ESR2: variants seen among roughly 807,000 people sequenced by gnomAD.
The protein encoded by ESR2 is estrogen receptor 2, also known as estrogen receptor beta.
A neutral mutation model predicts 49.6 loss-of-function variants in ESR2; 36 were observed. The observed-to-expected ratio is 0.73, with a 90% CI of 0.56 to 0.96. The LOEUF (loss-of-function observed/expected upper bound fraction) is 0.96. ESR2 is among the 40% of genes least tolerant of loss of function. The pLI, the probability that ESR2 is intolerant of heterozygous loss-of-function variation, is 0.00. For missense variants in ESR2, 714 were observed against 693.0 expected, an observed-to-expected ratio of 1.03 and a Z score of -0.34; for synonymous variants, 320 against 266.1, an observed-to-expected ratio of 1.20 and a Z score of -1.97.
chr14:64,268,950 G>C lies in ESR2; in HGVS notation c.536-39C>G, dbSNP rs1567761577. ...GGAGGGAAAAAAAGATTATTGCTAT[G>C]ATCTCTTAGTTAAATCTCTTCCTGG... is the stretch of plus-strand genomic sequence containing the variant. On this transcript the variant is annotated intron_variant, in intron 3 of 8. Transcript: ENST00000341099. 5.3e-6 allele frequency: 6 copies of C among 1,132,178 alleles called. No homozygotes were observed. The East Asian group carries it at 1.4e-4, about 27-fold the overall frequency. The allele number at this position is 1,132,178 out of a possible 1,614,324, so 70.1% of individuals were successfully genotyped here.
At chr14:64,259,730 G>A (rs187020268) in intron 5 of ESR2, among the ~76,000 whole-genome samples, 78 of 152,184 alleles carry the variant, frequency 5.1e-4, no homozygotes, top group African/African-American at 1.6e-3. Flanking sequence ...TTGATGATTC[G>A]TGTAACTTCA....
At chr14:64,293,721 A>G (rs1364559246) in intron 1 of ESR2, among the ~76,000 whole-genome samples, 1 of 152,220 alleles carries the variant, frequency 6.6e-6, no homozygotes, top group Non-Finnish European at 1.5e-5. Context: ...ATTCAACTCC[A>G]TTGTCATTTC....
rs76776451 is a variant in ESR2, at chr14:64,314,071, A to G, written c.-91+23827T>C. ...ACTCCACCCTACAAGAGCAGGCTAC[A>G]CAACCTTTTGAGGGTCTATGCAAGA... On this transcript the variant is annotated intron_variant, in intron 1 of 8. Transcript: ENST00000358599. 5.8e-3 allele frequency among the ~76,000 whole-genome samples: 879 copies of G among 152,286 alleles called. 4 individuals carry two copies. Among genetic ancestry groups the G allele is most frequent in the African/African-American group, 0.019 (809 of 41,556 alleles).
downstream of ESR2, chr14:64,228,092 T>A: frequency 7.4e-7 from 1 of 1,342,462 alleles, no homozygotes; most frequent in Non-Finnish European, 9.6e-7. Flanking sequence ...TGACTAAAGA[T>A]GAAATTGTTC....
rs533918852 is a variant in ESR2, at chr14:64,326,014, T to TA, written c.-91+11883dup. ...TTTTTTGCATGATGGCCATATCCCC[T>TA]AACCCCAGATTATTAAAGGATTAAC... is the stretch of plus-strand genomic sequence containing the variant. On this transcript the variant is annotated intron_variant, in intron 1 of 8. Coordinates refer to the ESR2 transcript ENST00000358599. Among the ~76,000 whole-genome samples, 60 of 151,714 alleles carry TA rather than the reference T, an allele frequency of 4.0e-4. No homozygotes were observed. The East Asian group carries it at 8.7e-3, about 22-fold the overall frequency.
At chr14:64,235,269 T>A in intron 7 of ESR2, 119 bp from the exon 8 acceptor site, 1 of 1,000,568 alleles carries the variant, frequency 1.0e-6, no homozygotes. Context: ...GCTGCATGTG[T>A]GGCAGGAGCT....
At chr14:64,301,905 G>A (rs1487835607) in intron 1 of ESR2, among the ~76,000 whole-genome samples, 1 of 152,038 alleles carries the variant, frequency 6.6e-6, no homozygotes, top group Non-Finnish European at 1.5e-5. Context: ...CAGAAGCCTT[G>A]GCCTAAGAGA....
At chr14:64,318,422 A>G (rs1159996614) in intron 1 of ESR2, among the ~76,000 whole-genome samples, 1 of 151,224 alleles carries the variant, frequency 6.6e-6, no homozygotes, top group Non-Finnish European at 1.5e-5. Context: ...CTGTAATCCC[A>G]GCTACTTGGG....
At chr14:64,237,351 CA>C (rs1277826583) in intron 7 of ESR2, among the ~76,000 whole-genome samples, 1 of 152,122 alleles carries the variant, frequency 6.6e-6, no homozygotes, top group Non-Finnish European at 1.5e-5. Flanking sequence ...AGAAAATTAT[CA>C]AAAGTACAGA....
chr14:64,277,523 T>C (rs1436621098), intron 3 of ESR2, among the ~76,000 whole-genome samples: 2 of 149,092 alleles, frequency 1.3e-5, no homozygotes, highest in Admixed American at 6.7e-5. Flanking sequence ...TACTTGGGAG[T>C]CTGAGGCAGG....
chr14:64,308,303 C>T (rs774408773), intron 1 of ESR2, among the ~76,000 whole-genome samples: 6 of 152,204 alleles, frequency 3.9e-5, no homozygotes, highest in Admixed American at 1.3e-4. Flanking sequence ...CATGAGACAC[C>T]GCGCCGGGCC....
Position 64,282,853 on chromosome 14 carries a change from C to T in ESR2, c.133G>A (p.Ala45Thr). 6.2e-7 allele frequency: 1 copy of T among 1,614,170 alleles called. No homozygotes were observed. Among genetic ancestry groups the T allele is most frequent in the Non-Finnish European group, 8.5e-7 (1 of 1,180,032 alleles). Residue 45 changes from alanine (A) to threonine (T), a missense_variant, in exon 2 of 9, where the codon GCC becomes ACC. Ala to Thr is a moderately conservative substitution (Grantham distance 58). Transcript: ENST00000341099. ...ACAGCAGGGCTATAGAATGTCATGG[C>T]TGGATATTCATGGTGGCTGTCTACA... Reference protein sequence around the residue: ...SYVDSHHEYPAMTFYSPAVMN... With the variant: ...SYVDSHHEYPTMTFYSPAVMN...
intron 4 of ESR2, among the ~76,000 whole-genome samples, chr14:64,263,857 C>G (rs986563893): frequency 6.6e-6 from 1 of 151,988 alleles, no homozygotes; most frequent in African/African-American, 2.4e-5. Context: ...CTACAAAGGC[C>G]ATAGATATTT....
chr14:64,237,239 C>T (rs531030230), intron 7 of ESR2, among the ~76,000 whole-genome samples: 4 of 152,284 alleles, frequency 2.6e-5, no homozygotes, highest in Non-Finnish European at 5.9e-5. Context: ...GGATTACAAG[C>T]GTGAGCCACT....
At chr14:64,242,557 T>A (rs959105601) in intron 7 of ESR2, among the ~76,000 whole-genome samples, 1 of 151,930 alleles carries the variant, frequency 6.6e-6, no homozygotes. Context: ...CCAAAAATTC[T>A]GCTTGTTCAT....
chr14:64,255,543 G>A (rs1031336770), intron 6 of ESR2, among the ~76,000 whole-genome samples: 2 of 152,164 alleles, frequency 1.3e-5, no homozygotes, highest in Non-Finnish European at 2.9e-5. Context: ...ATAAAGTAGA[G>A]AGTTAGTTTG....
At chr14:64,335,974 TGTGTG>T (rs2077526139) in intron 1 of ESR2, 1 of 5,228 alleles carries the variant, frequency 1.9e-4, no homozygotes. Context: ...CCAGCTAATT[TGTGTG>T]TGTGTGTGTG....
chr14:64,251,307 C>CAA (rs11297817), intron 6 of ESR2, among the ~76,000 whole-genome samples: 9 of 124,424 alleles, frequency 7.2e-5, no homozygotes, highest in African/African-American at 1.1e-4. Context: ...CTCTATGGGG[C>CAA]AAAAAAAAAA....
chr14:64,315,528 G>A (rs2077243444), intron 1 of ESR2, among the ~76,000 whole-genome samples: 1 of 151,912 alleles, frequency 6.6e-6, no homozygotes, highest in Admixed American at 6.6e-5. Context: ...AGGCTGGAGT[G>A]CAGTGGCGCC....
Sources: allele counts gnomAD v4.1 joint callset (sites outside exome capture counted in the v4.1 genomes callset), GRCh38; gene constraint gnomAD v4.1.1; transcripts MANE v1.5; gene names NCBI Gene and HGNC (gene_info 2026-07-23, HGNC 2026-07-21).